Variants in LASP1 observed in about 807,000 individuals in gnomAD.
LASP1 encodes LIM and SH3 protein 1, also known as LIM and SH3 domain protein 1.
In LASP1, 10 loss-of-function variants were observed where a neutral mutation model predicts 38.6. The observed-to-expected ratio is 0.26, with a 90% confidence interval of 0.16 to 0.44. LASP1 has a LOEUF of 0.44. LASP1 is among the 20% of genes least tolerant of loss of function. The pLI, the probability that LASP1 is intolerant of heterozygous loss-of-function variation, is 1.00. For missense variants in LASP1, 243 were observed against 375.7 expected (o/e 0.65, Z 2.92); for synonymous variants, 132 against 140.8 (o/e 0.94, Z 0.44).
chr17:38,872,506 A>C (rs1319556270), intron 1 of LASP1, among the ~76,000 whole-genome samples: 1 of 152,182 alleles, frequency 6.6e-6, no homozygotes, highest in East Asian at 1.9e-4. Context: ...TGTACTGAGC[A>C]GGAGACCTGA....
intron 4 of LASP1, among the ~76,000 whole-genome samples, chr17:38,899,407 G>A (rs1474267511): frequency 6.6e-6 from 1 of 152,176 alleles, no homozygotes; most frequent in Non-Finnish European, 1.5e-5. Flanking sequence ...ATTGCCGGGG[G>A]AGCCTGGCTT....
At chr17:38,903,298 G>A (rs972089794) in intron 4 of LASP1, among the ~76,000 whole-genome samples, 1 of 152,146 alleles carries the variant, frequency 6.6e-6, no homozygotes, top group African/African-American at 2.4e-5. Context: ...GGGACAGTAG[G>A]CCCTACTTTG....
chr17:38,891,280 C>T (rs747402146), intron 3 of LASP1, among the ~76,000 whole-genome samples: 5 of 152,086 alleles, frequency 3.3e-5, no homozygotes, highest in East Asian at 1.9e-4. Flanking sequence ...GTGGGCAGCG[C>T]GCCCAGGACC....
intron 6 of LASP1, 70 bp downstream of exon 6, chr17:38,915,216 A>G: frequency 8.0e-7 from 1 of 1,256,434 alleles, no homozygotes; most frequent in Non-Finnish European, 1.2e-6. Context: ...GACACAGCTC[A>G]TGGATTCTCC....
At chr17:38,907,822 A>C (rs748728574) in intron 4 of LASP1, among the ~76,000 whole-genome samples, 8 of 152,228 alleles carry the variant, frequency 5.3e-5, no homozygotes, top group Non-Finnish European at 1.2e-4. Context: ...CCATGTGTCC[A>C]TACTTGCTTT....
At chr17:38,876,607 G>A (rs188513043) in intron 1 of LASP1, among the ~76,000 whole-genome samples, 3 of 151,688 alleles carry the variant, frequency 2.0e-5, no homozygotes, top group Admixed American at 6.6e-5. Flanking sequence ...CCAGTAATCC[G>A]CCTGCCACAG....
At chr17:38,908,731 C>T (rs986749783) in intron 4 of LASP1, among the ~76,000 whole-genome samples, 1 of 152,250 alleles carries the variant, frequency 6.6e-6, no homozygotes, top group Non-Finnish European at 1.5e-5. Context: ...CTCCCTGTGC[C>T]CCCAGCCCGG....
intron 3 of LASP1, among the ~76,000 whole-genome samples, chr17:38,893,260 G>C (rs1222964329): frequency 6.6e-6 from 1 of 152,206 alleles, no homozygotes; most frequent in Non-Finnish European, 1.5e-5. Flanking sequence ...CACCCTGCAG[G>C]ATGCACCAGT....
intron 4 of LASP1, among the ~76,000 whole-genome samples, chr17:38,899,359 G>T (rs1019894030): frequency 2.0e-5 from 3 of 152,208 alleles, no homozygotes; most frequent in Non-Finnish European, 4.4e-5. Context: ...TCAGTGAGCT[G>T]CCCATTGTTG....
chr17:38,887,356 G>A (rs1914170089), intron 2 of LASP1, among the ~76,000 whole-genome samples: 1 of 152,204 alleles, frequency 6.6e-6, no homozygotes, highest in African/African-American at 2.4e-5. Context: ...GGGCCTCAGG[G>A]CCTGCCAGCC....
chr17:38,920,325 C>G lies in LASP1; in HGVS notation c.*1547C>G. The G allele has an allele frequency of 2.7e-6, 1 of 376,308 alleles. No homozygotes were observed. The allele number at this position is 376,308 out of a possible 1,614,324, so 23.3% of individuals were successfully genotyped here. ...CCTCCCCCTCACTTACATAAAGCTCCCTTGAAGCAAGAAAGAGGGTCCCAG... is the reference window on the plus strand; with the variant it reads ...CCTCCCCCTCACTTACATAAAGCTCGCTTGAAGCAAGAAAGAGGGTCCCAG... On this transcript the variant is annotated 3_prime_UTR_variant, in exon 7 of 7. Transcript: ENST00000318008.
At chr17:38,902,140 C>T (rs967922103) in intron 4 of LASP1, among the ~76,000 whole-genome samples, 1 of 152,062 alleles carries the variant, frequency 6.6e-6, no homozygotes, top group Non-Finnish European at 1.5e-5. Flanking sequence ...CGGCTCAGTG[C>T]AGCCTGAATC....
At chr17:38,877,989 A>G in intron 1 of LASP1, 97 bp from the exon 2 acceptor site, 1 of 867,354 alleles carries the variant, frequency 1.2e-6, no homozygotes, top group Non-Finnish European at 2.0e-6. Flanking sequence ...TGGGCCTAGG[A>G]CAGTCCCAGC....
intron 3 of LASP1, 80 bp from the exon 4 acceptor site, chr17:38,898,332 T>C (rs1218136764): frequency 1.2e-6 from 1 of 825,838 alleles, no homozygotes; most frequent in African/African-American, 1.7e-5. Flanking sequence ...TCCTGACTGG[T>C]TGCTGCCTCA....
intron 4 of LASP1, among the ~76,000 whole-genome samples, chr17:38,913,929 G>T (rs1567705473): frequency 1.3e-5 from 2 of 151,880 alleles, no homozygotes; most frequent in Non-Finnish European, 2.9e-5. Flanking sequence ...TTGAACCCTG[G>T]AGGTGGAGGT....
In LASP1 at chr17:38,918,373, G is replaced by A. The variant is rs900057401; in HGVS notation, c.613-232G>A. Among the ~76,000 whole-genome samples, 4 of 152,130 alleles carry A rather than the reference G, an allele frequency of 2.6e-5. No homozygotes were observed. The highest frequency in any genetic ancestry group is 4.4e-5 in the Non-Finnish European group (3 of 68,032). On this transcript the variant is annotated intron_variant, in intron 6 of 6. Coordinates refer to ENST00000318008, the MANE Select transcript of LASP1 (RefSeq NM_006148.4). This position sits in a 1 kb window ranked among gnomAD's most constrained non-coding sequence, Gnocchi z 4.4. ...AGGTGGGGCAGAGCTGATGTGACCC[G>A]GTCCCTGCTCTGCCTCTGGCCCTTA... is the stretch of plus-strand genomic sequence containing the variant.
At chr17:38,887,715 T>C (rs542579277) in intron 2 of LASP1, among the ~76,000 whole-genome samples, 1 of 152,162 alleles carries the variant, frequency 6.6e-6, no homozygotes, top group East Asian at 1.9e-4. Context: ...TTTGCCAAGG[T>C]CACCCAGTAA....
chr17:38,884,292 C>T (rs369056538), intron 2 of LASP1, among the ~76,000 whole-genome samples: 5 of 151,634 alleles, frequency 3.3e-5, no homozygotes, highest in African/African-American at 1.2e-4. Flanking sequence ...CCCCTGTAGT[C>T]CCACCAAGCA....
chr17:38,919,031 G>A lies in LASP1; in HGVS notation c.*253G>A, dbSNP rs903078712. 20 of 237,444 alleles carry A rather than the reference G, an allele frequency of 8.4e-5. No homozygotes were observed. The East Asian group carries it at 9.1e-4, about 11-fold the overall frequency. The allele number at this position is 237,444 out of a possible 1,614,324, so 14.7% of individuals were successfully genotyped here. Reference sequence around the variant, plus strand: ...TGGAACGGGCATGGGCCTCTCTGGGGGAGGCAGGGCTGGAATGGGAGACCT... The same window carrying A: ...TGGAACGGGCATGGGCCTCTCTGGGAGAGGCAGGGCTGGAATGGGAGACCT... On this transcript the variant is annotated 3_prime_UTR_variant, in exon 7 of 7. Coordinates refer to ENST00000318008, the MANE Select transcript of LASP1 (RefSeq NM_006148.4).
Sources: gnomAD v4.1 joint callset for allele counts (sites outside exome capture counted in the v4.1 genomes callset) on GRCh38, gnomAD v4.1.1 for gene constraint, Gnocchi (gnomAD v3.1) non-coding constraint, MANE v1.5 for transcripts, NCBI Gene and HGNC (gene_info 2026-07-23, HGNC 2026-07-21) for gene names.